PREX1: variants seen among roughly 807,000 people sequenced by gnomAD.
PREX1 encodes the protein phosphatidylinositol 3,4,5-trisphosphate-dependent Rac exchanger 1 protein.
In PREX1, 41 loss-of-function variants were observed where a neutral mutation model predicts 198.3. That is an observed-to-expected ratio of 0.21 (90% CI 0.16 to 0.27). PREX1 has a LOEUF of 0.27. Among genes scored for constraint, PREX1 ranks in the 10% least tolerant of loss-of-function variants. PREX1 has a pLI of 1.00. For missense variants in PREX1, 1,620 were observed against 2,200.7 expected, an observed-to-expected ratio of 0.74 and a Z score of 5.28; for synonymous variants, 843 against 887.2, an observed-to-expected ratio of 0.95 and a Z score of 0.89.
At chr20:48,838,129 C>T in the PREX1 span, among the ~76,000 whole-genome samples, 6 of 152,088 alleles carry the variant, frequency 3.9e-5, no homozygotes, top group Non-Finnish European at 5.9e-5. Flanking sequence ...GTTTCCTCTC[C>T]GGTTGGGAGG....
chr20:48,762,416 C>G (rs1388160087), intron 1 of PREX1, among the ~76,000 whole-genome samples: 2 of 152,174 alleles, frequency 1.3e-5, no homozygotes, highest in Non-Finnish European at 2.9e-5. Context: ...GCCCTCTACC[C>G]TCTAGATACA....
intron 1 of PREX1, among the ~76,000 whole-genome samples, chr20:48,765,645 C>T (rs1483542687): frequency 6.6e-6 from 1 of 152,202 alleles, no homozygotes; most frequent in African/African-American, 2.4e-5. Context: ...CGGAGCCAGA[C>T]CTAAGTGCAG....
intron 6 of PREX1, among the ~76,000 whole-genome samples, chr20:48,701,398 G>A (rs896025939): frequency 6.6e-6 from 1 of 152,056 alleles, no homozygotes; most frequent in African/African-American, 2.4e-5. Flanking sequence ...TTTTTTAGAA[G>A]AGACAGGGTT....
intron 1 of PREX1, among the ~76,000 whole-genome samples, chr20:48,794,757 G>A (rs1360307520): frequency 6.6e-6 from 1 of 152,210 alleles, no homozygotes; most frequent in African/African-American, 2.4e-5. Context: ...AGTCCTCGGG[G>A]ACTGGGCCTT....
rs55904123 is a variant in PREX1, at chr20:48,657,188, C to T, written c.1975G>A (p.Val659Met). ...TTCCTCCCCACCTGCAGGCCAGCCA[C>T]CTGGGTAGGGACGGCAGAGGACAGA... Reference protein sequence around the residue: ...KSVQRGSLAEVAGLQVGRKIY... With the variant: ...KSVQRGSLAEMAGLQVGRKIY... The change falls in exon 18 of 40, where the codon GTG becomes ATG. Residue 659 changes from valine to methionine, a missense_variant and splice_region_variant. Physicochemically the swap from Val to Met is conservative, Grantham distance 21 (BLOSUM62 1). This residue lies in a region of PREX1 where 488 missense variants were observed against 802.5 expected (regional missense o/e 0.61). Coordinates refer to ENST00000371941, the MANE Select transcript of PREX1 (RefSeq NM_020820.4). 309,626 of 1,612,778 alleles carry T rather than the reference C, an allele frequency of 0.19. 31,186 individuals are homozygous for T. The highest frequency in any genetic ancestry group is 0.29 in the Middle Eastern group (1,787 of 6,062).
At chr20:48,831,927 C>T (rs781296163), upstream of PREX1, among the ~76,000 whole-genome samples, 7 of 152,196 alleles carry the variant, frequency 4.6e-5, no homozygotes, top group Non-Finnish European at 1.0e-4. Context: ...CCAAACATGA[C>T]TAAGCAGTCA....
At chr20:48,626,205 C>T (rs1469054411) in intron 39 of PREX1, among the ~76,000 whole-genome samples, 3 of 152,214 alleles carry the variant, frequency 2.0e-5, no homozygotes, top group African/African-American at 7.2e-5. Context: ...GTGGGGTGCA[C>T]ATTCCACACT....
At chr20:48,675,566 A>G (rs2089702501) in intron 14 of PREX1, among the ~76,000 whole-genome samples, 2 of 152,250 alleles carry the variant, frequency 1.3e-5, no homozygotes, top group Admixed American at 6.5e-5. Flanking sequence ...TAACTAGAGT[A>G]GTCAAGTTCA....
At chr20:48,657,873 C>A (rs2089557466) in intron 17 of PREX1, among the ~76,000 whole-genome samples, 1 of 152,168 alleles carries the variant, frequency 6.6e-6, no homozygotes, top group Non-Finnish European at 1.5e-5. Context: ...TGCTTTTTTC[C>A]TGTACCTCCC....
intron 7 of PREX1, 59 bp downstream of exon 7, chr20:48,700,694 A>G (rs989793780): frequency 5.8e-5 from 92 of 1,594,436 alleles, no homozygotes; most frequent in Non-Finnish European, 7.9e-5. Flanking sequence ...TGACAAGCCC[A>G]AGGCATCACC....
intron 1 of PREX1, among the ~76,000 whole-genome samples, chr20:48,773,524 G>A (rs1474349863): frequency 6.6e-6 from 1 of 152,174 alleles, no homozygotes; most frequent in African/African-American, 2.4e-5. Flanking sequence ...GGTACTTACT[G>A]AGAAGCAGAT....
chr20:48,689,937 T>G (rs1036496629), intron 9 of PREX1, among the ~76,000 whole-genome samples: 2 of 152,066 alleles, frequency 1.3e-5, no homozygotes, highest in Non-Finnish European at 2.9e-5. Flanking sequence ...GTGTGACATA[T>G]ATGTGAAAGG....
chr20:48,840,035 G>A, the PREX1 span, among the ~76,000 whole-genome samples: 1 of 152,134 alleles, frequency 6.6e-6, no homozygotes, highest in African/African-American at 2.4e-5. Context: ...TTGTGTTTGA[G>A]ACAGAGTCTT....
At chr20:48,774,917 G>A (rs2090254001) in intron 1 of PREX1, among the ~76,000 whole-genome samples, 1 of 152,248 alleles carries the variant, frequency 6.6e-6, no homozygotes, top group Non-Finnish European at 1.5e-5. Flanking sequence ...ACAGAGCGAG[G>A]CTGAATTCAG....
At chr20:48,778,526 G>C (rs2090274009) in intron 1 of PREX1, among the ~76,000 whole-genome samples, 1 of 152,100 alleles carries the variant, frequency 6.6e-6, no homozygotes, top group Non-Finnish European at 1.5e-5. Flanking sequence ...GGAGGTGGAG[G>C]TTGCAGTGAG....
chr20:48,792,084 A>G (rs977778852), intron 1 of PREX1, among the ~76,000 whole-genome samples: 5 of 152,128 alleles, frequency 3.3e-5, no homozygotes, highest in Non-Finnish European at 7.4e-5. Context: ...TCCCCATAGG[A>G]CTGGTGTCTG....
In PREX1 at chr20:48,642,404, T is replaced by TAC. The variant is rs752795411; in HGVS notation, c.3684+1_3684+2dup. 7.4e-6 allele frequency: 12 copies of TAC among 1,612,752 alleles called. No individual in the cohort carries two copies. The Admixed American group carries it at 2.0e-4, about 27-fold the overall frequency. ...TGCGCCAGGAGTGGGGCAAAGGTCC[T>TAC]ACCTGGTTAAAGAGGTGCTCCAGGC... On this transcript the variant is annotated splice_region_variant and intron_variant, in intron 28 of 39. Transcript: ENST00000371941.
At chr20:48,756,724 C>CT (rs1371200960) in intron 1 of PREX1, among the ~76,000 whole-genome samples, 2 of 152,192 alleles carry the variant, frequency 1.3e-5, no homozygotes, top group African/African-American at 4.8e-5. Context: ...CTGGAAGACT[C>CT]TTTCTCCAGA....
intron 25 of PREX1, among the ~76,000 whole-genome samples, chr20:48,647,081 T>A (rs1204424108): frequency 6.6e-6 from 1 of 151,786 alleles, no homozygotes; most frequent in Non-Finnish European, 1.5e-5. Flanking sequence ...AATACAAAAA[T>A]TAGCCAGGCA....
Sources: allele counts gnomAD v4.1 joint callset (sites outside exome capture counted in the v4.1 genomes callset), GRCh38; gene constraint gnomAD v4.1.1; regional missense constraint gnomAD v4.1.1; transcripts MANE v1.5; gene names NCBI Gene and HGNC (gene_info 2026-07-23, HGNC 2026-07-21).